IL16: variants seen among roughly 807,000 people sequenced by gnomAD.
IL16 encodes pro-interleukin-16.
IL16 carries 67 observed loss-of-function variants against 110.1 expected under a neutral mutation model. That is an observed-to-expected ratio of 0.61 (90% CI 0.50 to 0.75). The LOEUF is 0.75. Ranked by LOEUF, IL16 falls within the 30% of genes least tolerant of loss-of-function variation. IL16 has a pLI of 0.00. For missense variants in IL16, 1,545 were observed against 1,655.0 expected (o/e 0.93, Z 1.15); for synonymous variants, 689 against 662.9 (o/e 1.04, Z -0.61).
intron 2 of IL16, among the ~76,000 whole-genome samples, chr15:81,252,018 A>G (rs527627332): frequency 2.3e-3 from 344 of 152,358 alleles, no homozygotes; most frequent in Non-Finnish European, 3.8e-3. Context: ...ACAACTATGG[A>G]TATTTTAATC....
At chr15:81,231,332 C>CTT in intron 2 of IL16, among the ~76,000 whole-genome samples, 1 of 107,390 alleles carries the variant, frequency 9.3e-6, no homozygotes, top group South Asian at 3.3e-4. Flanking sequence ...CTGTCTCTCT[C>CTT]TCTCTCTCTC....
intron 1 of IL16, among the ~76,000 whole-genome samples, chr15:81,199,448 A>T (rs1895729936): frequency 6.6e-6 from 1 of 152,194 alleles, no homozygotes; most frequent in Non-Finnish European, 1.5e-5. Context: ...TGTTCTTGCC[A>T]CATCTGGAGA....
chr15:81,199,635 C>A (rs1419248249), intron 1 of IL16, among the ~76,000 whole-genome samples: 1 of 152,168 alleles, frequency 6.6e-6, no homozygotes, highest in Non-Finnish European at 1.5e-5. Flanking sequence ...ACATGGCTAC[C>A]TTGCTCAGCC....
At chr15:81,265,878 G>T (rs1285040313) in intron 4 of IL16, 77 bp downstream of exon 4, 1 of 1,389,016 alleles carries the variant, frequency 7.2e-7, no homozygotes, top group Non-Finnish European at 9.8e-7. Flanking sequence ...AACAGTGGCT[G>T]AAGAGGCCTT....
At chr15:81,295,536 A>T (rs1349476932) in intron 12 of IL16, 25 of 1,281,580 alleles carry the variant, frequency 2.0e-5, no homozygotes, top group Non-Finnish European at 2.5e-5. Flanking sequence ...ATTAAATTTC[A>T]TCCCCATGTA....
Position 81,298,612 on chromosome 15 carries a change from C to T in IL16, c.2054-768C>T, listed in dbSNP as rs115978145. Among the ~76,000 whole-genome samples, 763 of 152,306 alleles carry T rather than the reference C, an allele frequency of 5.0e-3. 5 individuals are homozygous for T. The highest frequency in any genetic ancestry group is 0.013 in the African/African-American group (557 of 41,558). ...GTGGGCGTCAGTATTTTTCAGGGCCCTCCAGATTCCAGTATGTAGCCAAGG... is the reference window on the plus strand; with the variant it reads ...GTGGGCGTCAGTATTTTTCAGGGCCTTCCAGATTCCAGTATGTAGCCAAGG... On this transcript the variant is annotated intron_variant, in intron 13 of 18. Coordinates refer to ENST00000683961, the MANE Select transcript of IL16 (RefSeq NM_172217.5).
At chr15:81,187,387 A>G (rs1651551278) in intron 1 of IL16, among the ~76,000 whole-genome samples, 1 of 152,158 alleles carries the variant, frequency 6.6e-6, no homozygotes, top group African/African-American at 2.4e-5. Flanking sequence ...GCTGATGCCC[A>G]GGAGTTCAAG....
chr15:81,271,075 T>C (rs964112965), intron 5 of IL16, among the ~76,000 whole-genome samples: 7 of 152,110 alleles, frequency 4.6e-5, no homozygotes, highest in Non-Finnish European at 1.0e-4. Context: ...CATTGTGCTA[T>C]GGGCTTTGCA....
At position 81,243,124 on chromosome 15, in the gene IL16, T is replaced by G. The variant is rs569444017; in HGVS notation, c.313-16648T>G. On this transcript the variant is annotated intron_variant, in intron 2 of 18. Transcript: ENST00000683961. ...TGAATTCAATTTGCTAACATTTTGC[T>G]TATATATTAGCTATATAAGTATATA... Among the ~76,000 whole-genome samples the G allele has an allele frequency of 4.9e-3, 668 of 137,098 alleles. 8 individuals are homozygous for G. The highest frequency in any genetic ancestry group is 0.016 in the African/African-American group (618 of 37,684). The allele number at this position is 137,098 out of a possible 152,430, so 89.9% of individuals were successfully genotyped here.
At chr15:81,192,402 A>T (rs1895511766), upstream of IL16, among the ~76,000 whole-genome samples, 1 of 152,016 alleles carries the variant, frequency 6.6e-6, no homozygotes, top group African/African-American at 2.4e-5. Flanking sequence ...GGAGTTCAAG[A>T]CCAGCCTGGG....
At chr15:81,230,068 A>AATCCAAACTAATT in intron 2 of IL16, among the ~76,000 whole-genome samples, 1 of 152,200 alleles carries the variant, frequency 6.6e-6, no homozygotes, top group East Asian at 1.9e-4. Flanking sequence ...GGGCGTGAAG[A>AATCCAAACTAATT]ATCCAAACTA....
intron 6 of IL16, among the ~76,000 whole-genome samples, chr15:81,275,554 G>A (rs1898873861): frequency 6.6e-6 from 1 of 151,996 alleles, no homozygotes; most frequent in Non-Finnish European, 1.5e-5. Flanking sequence ...ACAAAGGGGT[G>A]GGGGAAGGGT....
intron 14 of IL16, among the ~76,000 whole-genome samples, chr15:81,300,697 C>G (rs1900240637): frequency 6.6e-6 from 1 of 152,104 alleles, no homozygotes; most frequent in Non-Finnish European, 1.5e-5. Flanking sequence ...GGAGTTTTCA[C>G]AACATCTGGC....
At chr15:81,249,879 G>A (rs1897705562) in intron 2 of IL16, among the ~76,000 whole-genome samples, 1 of 151,996 alleles carries the variant, frequency 6.6e-6, no homozygotes, top group African/African-American at 2.4e-5. Context: ...GTTGCCATCT[G>A]AGTATTTTGT....
At chr15:81,196,352 A>G (rs550960213), upstream of IL16, among the ~76,000 whole-genome samples, 2 of 152,182 alleles carry the variant, frequency 1.3e-5, no homozygotes, top group African/African-American at 4.8e-5. Flanking sequence ...AAAGCAGGTG[A>G]TATATTTACC....
intron 1 of IL16, 145 bp downstream of exon 1, chr15:81,197,297 G>A (rs983837644): frequency 4.8e-6 from 2 of 414,984 alleles, no homozygotes; most frequent in African/African-American, 4.2e-5. Flanking sequence ...TCAGGGGCAG[G>A]AGCAGAAGCC....
At chr15:81,288,209 A>C (rs947030953) in intron 10 of IL16, among the ~76,000 whole-genome samples, 1 of 152,168 alleles carries the variant, frequency 6.6e-6, no homozygotes, top group Non-Finnish European at 1.5e-5. Context: ...CATAGGGCAG[A>C]GAGAAGAGAG....
At chr15:81,298,591 G>A (rs1023970975) in intron 13 of IL16, among the ~76,000 whole-genome samples, 1 of 152,226 alleles carries the variant, frequency 6.6e-6, no homozygotes, top group African/African-American at 2.4e-5. Context: ...CTAGGGGTGG[G>A]CGTCAGTATT....
chr15:81,296,897 G>A, intron 12 of IL16, 31 bp from the exon 13 acceptor site: 1 of 1,565,672 alleles, frequency 6.4e-7, no homozygotes, highest in Non-Finnish European at 8.7e-7. Context: ...CTACCGTTTT[G>A]ACATGGTCTC....
Sources: gnomAD v4.1 joint callset for allele counts (sites outside exome capture counted in the v4.1 genomes callset) on GRCh38, gnomAD v4.1.1 for gene constraint, MANE v1.5 for transcripts, NCBI Gene and HGNC (gene_info 2026-07-23, HGNC 2026-07-21) for gene names.